The following C12orf56 variants were observed in gnomAD, a reference collection of about 807,000 sequenced individuals.
C12orf56 encodes uncharacterized protein C12orf56.
Under a neutral mutation model 69.9 loss-of-function variants are expected in C12orf56, and 71 were observed. The observed-to-expected ratio is 1.02, with a 90% CI of 0.84 to 1.24. C12orf56 has a LOEUF of 1.24. Ranked by LOEUF, C12orf56 falls within the 50% of genes most tolerant of loss-of-function variation. The pLI is 0.00. For missense variants in C12orf56, 732 were observed against 738.5 expected (o/e 0.99, Z 0.10); for synonymous variants, 276 against 274.1 (o/e 1.01, Z -0.07).
chr12:64,338,776 AGC>A lies in C12orf56; in HGVS notation c.416-7746_416-7745del, dbSNP rs530181077. 1,327 of 1,363,808 alleles carry A rather than the reference AGC, an allele frequency of 9.7e-4. 9 individuals carry two copies. In the Middle Eastern group the frequency reaches 0.012, roughly 13 times the overall value. 84.5% of individuals were successfully genotyped at this position (1,363,808 alleles called of 1,614,324 possible). ...TATGCTTTATCTGCTTTTGCATGTC[AGC>A]ATTGCTGAGAGCCATGGTGAGAGCA... On this transcript the variant is annotated intron_variant, in intron 2 of 12. Transcript: ENST00000543942.
intron 1 of C12orf56, among the ~76,000 whole-genome samples, chr12:64,387,831 CA>C (rs1345115579): frequency 6.6e-6 from 1 of 151,722 alleles, no homozygotes; most frequent in African/African-American, 2.4e-5. Context: ...CAAAACAAAA[CA>C]AAAAAACAAG....
At chr12:64,358,482 A>AATCATAATCATCATCATCATC (rs1555193392) in intron 1 of C12orf56, among the ~76,000 whole-genome samples, 105 of 125,944 alleles carry the variant, frequency 8.3e-4, no homozygotes, top group Admixed American at 2.9e-3. Context: ...TAATAATAAT[A>AATCATAATCATCATCATCATC]ATCATCATCA....
chr12:64,301,042 G>C (rs2038438496), intron 6 of C12orf56, among the ~76,000 whole-genome samples: 2 of 152,082 alleles, frequency 1.3e-5, no homozygotes, highest in Non-Finnish European at 2.9e-5. Flanking sequence ...TCTCTCTCCT[G>C]TTGCCATGTA....
intron 2 of C12orf56, 24 bp downstream of exon 2, chr12:64,352,870 C>G: frequency 6.3e-7 from 1 of 1,576,722 alleles, no homozygotes. Flanking sequence ...GCCTTAGATC[C>G]AGAGACAGAT....
intron 1 of C12orf56, among the ~76,000 whole-genome samples, chr12:64,357,596 T>C (rs1043646125): frequency 3.3e-5 from 5 of 152,002 alleles, no homozygotes; most frequent in African/African-American, 1.2e-4. Flanking sequence ...TTACTTTTTT[T>C]TGTAGAGATG....
intron 3 of C12orf56, among the ~76,000 whole-genome samples, chr12:64,320,161 G>A (rs1233864997): frequency 6.6e-6 from 1 of 152,196 alleles, no homozygotes; most frequent in Non-Finnish European, 1.5e-5. Flanking sequence ...TGGGTTACGC[G>A]GTTCTCTTCC....
At position 64,390,301 on chromosome 12, in the gene C12orf56, C is replaced by G. The variant is rs534037500; in HGVS notation, c.252+13G>C. 3 of 1,595,692 alleles carry G rather than the reference C, an allele frequency of 1.9e-6. No individual in the cohort carries two copies. Among genetic ancestry groups the G allele is most frequent in the Non-Finnish European group, 8.5e-7 (1 of 1,172,310 alleles). ...TGCGCTCCCGAGCCCGCCTGCCCAC[C>G]CGCGCCGCTCACCAGGTCAATGGCC... On this transcript the variant is annotated intron_variant, in intron 1 of 12. Coordinates refer to ENST00000543942, the MANE Select transcript of C12orf56 (RefSeq NM_001170633.2).
chr12:64,308,792 G>A (rs376765496), intron 5 of C12orf56, among the ~76,000 whole-genome samples: 6 of 150,206 alleles, frequency 4.0e-5, no homozygotes, highest in East Asian at 3.9e-4. Flanking sequence ...GCAGTGAGCC[G>A]AGATGGTGCC....
At chr12:64,320,969 A>G (rs1408145087) in intron 3 of C12orf56, among the ~76,000 whole-genome samples, 2 of 152,230 alleles carry the variant, frequency 1.3e-5, no homozygotes, top group Non-Finnish European at 2.9e-5. Flanking sequence ...AGCTTACTTC[A>G]GCCTTTCTCT....
At chr12:64,387,077 C>CAACAAAAAAA (rs1201123599) in intron 1 of C12orf56, among the ~76,000 whole-genome samples, 9 of 42,108 alleles carry the variant, frequency 2.1e-4, no homozygotes, top group African/African-American at 8.7e-4. Context: ...GACTCTATCT[C>CAACAAAAAAA]AAAAAAAAAA....
At chr12:64,364,484 C>G (rs1036695280) in intron 1 of C12orf56, among the ~76,000 whole-genome samples, 8 of 151,992 alleles carry the variant, frequency 5.3e-5, no homozygotes, top group African/African-American at 1.9e-4. Context: ...ACTGAAGTCA[C>G]TCAGTCACTC....
At chr12:64,286,749 GT>G (rs1022575095) in intron 6 of C12orf56, among the ~76,000 whole-genome samples, 3 of 152,132 alleles carry the variant, frequency 2.0e-5, no homozygotes, top group African/African-American at 7.2e-5. Context: ...TCTATTGTTC[GT>G]TTTTTCCCCA....
At chr12:64,288,825 C>A (rs1273506708) in intron 6 of C12orf56, among the ~76,000 whole-genome samples, 1 of 148,550 alleles carries the variant, frequency 6.7e-6, no homozygotes, top group Non-Finnish European at 1.5e-5. Context: ...ATTGACTTGG[C>A]GATGCAGGCT....
chr12:64,385,678 T>C (rs7485037), intron 1 of C12orf56, among the ~76,000 whole-genome samples: 48,661 of 151,788 alleles, frequency 0.32, 8,343 homozygotes, highest in East Asian at 0.59. Flanking sequence ...TATGATTTCA[T>C]CTCCTGCCTA....
intron 8 of C12orf56, 30 bp downstream of exon 8, chr12:64,284,634 A>G: frequency 1.3e-6 from 2 of 1,527,308 alleles, no homozygotes; most frequent in Non-Finnish European, 1.8e-6. Flanking sequence ...TTGCAACTAC[A>G]AGGTCCCAAT....
chr12:64,269,256 GT>G (rs2037952206), intron 12 of C12orf56, among the ~76,000 whole-genome samples: 2 of 152,036 alleles, frequency 1.3e-5, no homozygotes, highest in African/African-American at 4.8e-5. Flanking sequence ...TGACAAAGCT[GT>G]GTCCGCTGTA....
In C12orf56 at chr12:64,270,607, G is replaced by A; in HGVS notation, c.1692C>T (p.Ile564=). 1 of 1,613,776 alleles carries A rather than the reference G, an allele frequency of 6.2e-7. No homozygotes were observed. Among genetic ancestry groups the A allele is most frequent in the Non-Finnish European group, 8.5e-7 (1 of 1,179,794 alleles). Residue 564 remains isoleucine (I), a synonymous_variant, in exon 12 of 13, where the codon ATC becomes ATT. Coordinates refer to ENST00000543942, the MANE Select transcript of C12orf56 (RefSeq NM_001170633.2). ...QAVLLYQQFY[I]LKSCLRHSRT... is the part of the protein sequence containing the mutation. ...TGCTGTGCCGCAGACAGCTCTTGAG[G>A]ATGTAAAATTGCTGGTACAACAGAA... is the stretch of plus-strand genomic sequence containing the variant.
Position 64,267,002 on chromosome 12 carries a change from T to G in C12orf56, c.*181A>C, listed in dbSNP as rs1318139242. The G allele has an allele frequency of 3.8e-6, 2 of 519,606 alleles. No individual in the cohort carries two copies. The highest frequency in any genetic ancestry group is 4.2e-5 in the African/African-American group (2 of 48,146). The allele number at this position is 519,606 out of a possible 1,614,324, so 32.2% of individuals were successfully genotyped here. A position where few individuals can be genotyped will look rare whatever the true frequency, so the allele number is the denominator to read the frequency against. On this transcript the variant is annotated 3_prime_UTR_variant, in exon 13 of 13. Transcript: ENST00000543942. The stretch of plus-strand genomic sequence containing the variant: ...GCACACTTATAATAAATCAAATTTA[T>G]TTTTTAAAATTTTAAACTTCTCATA...
intron 3 of C12orf56, among the ~76,000 whole-genome samples, chr12:64,322,226 G>A (rs184138238): frequency 1.3e-5 from 2 of 151,118 alleles, no homozygotes; most frequent in African/African-American, 2.4e-5. Flanking sequence ...CTGCCACACA[G>A]TACCCTGAGA....
Sources: allele counts gnomAD v4.1 joint callset (sites outside exome capture counted in the v4.1 genomes callset), GRCh38; gene constraint gnomAD v4.1.1; transcripts MANE v1.5; gene names NCBI Gene and HGNC (gene_info 2026-07-23, HGNC 2026-07-21).